Variants in PDE12 observed in about 807,000 individuals in gnomAD.
PDE12 encodes the protein phosphodiesterase 12, also known as 2',5'-phosphodiesterase 12.
Under a neutral mutation model 45.4 loss-of-function variants are expected in PDE12, and 26 were observed. The observed-to-expected ratio is 0.57, with a 90% confidence interval of 0.42 to 0.79. The LOEUF (loss-of-function observed/expected upper bound fraction) is 0.79. Among genes scored for constraint, PDE12 ranks in the 30% least tolerant of loss-of-function variants. The probability of loss-of-function intolerance (pLI) is 0.00; values close to 1 mark genes in which losing one functional copy is unlikely to be tolerated. For missense variants in PDE12, 668 were observed against 790.0 expected (o/e 0.85, Z 1.85); for synonymous variants, 283 against 323.9 (o/e 0.87, Z 1.36).
the PDE12 span, among the ~76,000 whole-genome samples, chr3:57,637,164 C>A: frequency 6.6e-6 from 1 of 152,112 alleles, no homozygotes; most frequent in Non-Finnish European, 1.5e-5. Context: ...TTATGATGCC[C>A]ATTTCACAGA....
At chr3:57,634,198 C>T in the PDE12 span, among the ~76,000 whole-genome samples, 4 of 151,882 alleles carry the variant, frequency 2.6e-5, no homozygotes, top group East Asian at 7.8e-4. Flanking sequence ...TTTGGGAGAC[C>T]GAGGTGGGCG....
the PDE12 span, among the ~76,000 whole-genome samples, chr3:57,638,990 C>T: frequency 6.6e-6 from 1 of 151,948 alleles, no homozygotes; most frequent in East Asian, 1.9e-4. Context: ...CCCAGCTACT[C>T]GGGAGGCTGA....
chr3:57,649,565 T>C, the PDE12 span, among the ~76,000 whole-genome samples: 1 of 151,828 alleles, frequency 6.6e-6, no homozygotes. Context: ...CATGCATGTT[T>C]ATAGCAGCAC....
chr3:57,616,452 GAGT>G, the PDE12 span, among the ~76,000 whole-genome samples: 57 of 151,132 alleles, frequency 3.8e-4, no homozygotes, highest in African/African-American at 1.2e-3. Context: ...GGAAGATGAA[GAGT>G]AGGAGGAGGA....
the PDE12 span, among the ~76,000 whole-genome samples, chr3:57,643,219 G>A: frequency 2.6e-5 from 4 of 152,136 alleles, no homozygotes; most frequent in African/African-American, 9.7e-5. Context: ...TGTGGGGCAT[G>A]TTACAAAGGA....
chr3:57,629,574 C>T, the PDE12 span, among the ~76,000 whole-genome samples: 3 of 145,524 alleles, frequency 2.1e-5, no homozygotes, highest in South Asian at 4.3e-4. Context: ...CACAGTGGCG[C>T]GATCTCAGCT....
At chr3:57,630,760 G>A in the PDE12 span, 5 of 1,614,028 alleles carry the variant, frequency 3.1e-6, no homozygotes, top group Non-Finnish European at 4.2e-6. Context: ...GGTTAGCTGA[G>A]GTCCTGTTTT....
Position 57,561,224 on chromosome 3 carries a change from A to G in PDE12, c.*1220A>G, listed in dbSNP as rs778520158. 7.4e-5 allele frequency: 73 copies of G among 984,940 alleles called. No individual in the cohort carries two copies. Among genetic ancestry groups the G allele is most frequent in the Non-Finnish European group, 8.4e-5 (70 of 829,194 alleles). 61.0% of individuals were successfully genotyped at this position (984,940 alleles called of 1,614,324 possible). A position where few individuals can be genotyped will look rare whatever the true frequency, so the allele number is the denominator to read the frequency against. ...AGAAAATACAGCACATTACTTTATG[A>G]GAAACTACCTACTGATATGGGCTTG... On this transcript the variant is annotated 3_prime_UTR_variant, in exon 3 of 3. Transcript: ENST00000311180.
chr3:57,586,099 A>T, the PDE12 span, among the ~76,000 whole-genome samples: 1 of 152,194 alleles, frequency 6.6e-6, no homozygotes, highest in Admixed American at 6.5e-5. Flanking sequence ...AAATGCTTGT[A>T]AGTATGAATC....
chr3:57,631,832 C>T, the PDE12 span, among the ~76,000 whole-genome samples: 4 of 148,448 alleles, frequency 2.7e-5, no homozygotes, highest in African/African-American at 9.9e-5. Flanking sequence ...ATGCCATTCT[C>T]CTGCCTCAGC....
rs891600361 is a variant in PDE12, at chr3:57,563,835, G to A, written c.*3831G>A. ...TGAGGTCAAGCCTGCAGTGAGTTGT[G>A]ATCAAGGTGCGCTGCACTCCAGCCT... is the stretch of plus-strand genomic sequence containing the variant. On this transcript the variant is annotated 3_prime_UTR_variant, in exon 3 of 3. Coordinates refer to ENST00000311180, the MANE Select transcript of PDE12 (RefSeq NM_177966.7). The A allele has an allele frequency of 9.2e-5, 14 of 152,214 alleles. No individual in the cohort carries two copies. The highest frequency in any genetic ancestry group is 2.9e-4 in the African/African-American group (12 of 41,442). The allele number at this position is 152,214 out of a possible 1,614,324, so 9.4% of individuals were successfully genotyped here. A position where few individuals can be genotyped will look rare whatever the true frequency, so the allele number is the denominator to read the frequency against.
chr3:57,649,629 T>G, the PDE12 span, among the ~76,000 whole-genome samples: 1 of 85,090 alleles, frequency 1.2e-5, no homozygotes, highest in African/African-American at 4.3e-5. Context: ...AATCAATGAG[T>G]GAAAAAAAAA....
chr3:57,614,240 T>A, the PDE12 span, among the ~76,000 whole-genome samples: 1 of 152,164 alleles, frequency 6.6e-6, no homozygotes, highest in African/African-American at 2.4e-5. Context: ...CCAGAACATT[T>A]ACCAAGATAA....
chr3:57,585,889 T>C, the PDE12 span, among the ~76,000 whole-genome samples: 1 of 152,136 alleles, frequency 6.6e-6, no homozygotes, highest in African/African-American at 2.4e-5. Flanking sequence ...CTTGAACTCC[T>C]GACCTCGGGT....
chr3:57,643,936 G>A, the PDE12 span, among the ~76,000 whole-genome samples: 1 of 151,790 alleles, frequency 6.6e-6, no homozygotes, highest in East Asian at 1.9e-4. Flanking sequence ...AGATCACGAG[G>A]TCAGGAGTTC....
the PDE12 span, among the ~76,000 whole-genome samples, chr3:57,621,881 T>C: frequency 1.3e-5 from 2 of 150,894 alleles, no homozygotes; most frequent in African/African-American, 2.4e-5. Flanking sequence ...ATCAAGAACA[T>C]ATGGAGAGCT....
At chr3:57,632,325 A>G in the PDE12 span, among the ~76,000 whole-genome samples, 1 of 150,816 alleles carries the variant, frequency 6.6e-6, no homozygotes, top group African/African-American at 2.4e-5. Flanking sequence ...CGCCCAGTCC[A>G]TGCTCTTTTT....
the PDE12 span, chr3:57,633,491 T>G: frequency 1.4e-6 from 1 of 727,116 alleles, no homozygotes; most frequent in East Asian, 2.7e-5. Context: ...TTGAAGTAAT[T>G]TAATGTGAAG....
chr3:57,572,420 A>G, the PDE12 span: 1 of 703,318 alleles, frequency 1.4e-6, no homozygotes, highest in Non-Finnish European at 2.4e-6. Context: ...AAACTCTCCC[A>G]TATTTAAAGC....
Sources: gnomAD v4.1 joint callset for allele counts (sites outside exome capture counted in the v4.1 genomes callset) on GRCh38, gnomAD v4.1.1 for gene constraint, MANE v1.5 for transcripts, NCBI Gene and HGNC (gene_info 2026-07-23, HGNC 2026-07-21) for gene names.